The following TRRAP variants were observed in gnomAD, a reference collection of about 807,000 sequenced individuals.
TRRAP encodes transformation/transcription domain associated protein.
A neutral mutation model predicts 438.8 loss-of-function variants in TRRAP; 41 were observed. That is an observed-to-expected ratio of 0.09 (90% CI 0.07 to 0.12). TRRAP has a LOEUF of 0.12. Ranked by LOEUF, TRRAP falls within the 10% of genes least tolerant of loss-of-function variation. TRRAP has a pLI of 1.00. For synonymous variants in TRRAP, 1,994 were observed against 1,962.9 expected (o/e 1.02, Z -0.42); for missense variants, 3,122 against 5,055.1 (o/e 0.62, Z 11.60).
At chr7:99,001,130 G>C (rs996548574) in intron 67 of TRRAP, among the ~76,000 whole-genome samples, 3 of 152,254 alleles carry the variant, frequency 2.0e-5, no homozygotes, top group Admixed American at 1.3e-4. Context: ...CCATAGCTGT[G>C]ACCAGGGTTG....
In TRRAP at chr7:99,012,485, T is replaced by C. The variant is rs954194568; in HGVS notation, c.*130T>C. 11 of 1,148,802 alleles carry C rather than the reference T, an allele frequency of 9.6e-6. 1 individual carries two copies. The highest frequency in any genetic ancestry group is 2.4e-6 in the Non-Finnish European group (2 of 834,520). The allele number at this position is 1,148,802 out of a possible 1,614,324, so 71.2% of individuals were successfully genotyped here. On this transcript the variant is annotated 3_prime_UTR_variant, in exon 73 of 73. Coordinates refer to ENST00000456197, the MANE Select transcript of TRRAP (RefSeq NM_001375524.1). The surrounding 1 kb of genome is among the most constrained non-coding windows in gnomAD (Gnocchi z 5.9). ...ATAGTTTCACTGGGTTGCGGTTATT[T>C]TCCTGGTAGTTTGCGTGTAAGAAAG...
At chr7:98,891,281 A>G (rs1184134769) in intron 4 of TRRAP, among the ~76,000 whole-genome samples, 1 of 142,776 alleles carries the variant, frequency 7.0e-6, no homozygotes, top group African/African-American at 2.7e-5. Context: ...GCACGAACTC[A>G]GCTCACTGCA....
Position 98,910,142 on chromosome 7 carries a change from C to T in TRRAP, c.1437C>T (p.Ala479=), listed in dbSNP as rs781851904. 1.7e-5 allele frequency: 27 copies of T among 1,612,112 alleles called. No homozygotes were observed. The highest frequency in any genetic ancestry group is 1.1e-4 in the South Asian group (10 of 90,716). ...KKCKPQSELG[A]VEAALPGVPT... is the part of the protein sequence containing the mutation. Reference sequence around the variant, plus strand: ...GTAAGCCTCAGTCAGAACTTGGAGCCGTGGAAGCAGCTCTGCCTGGGGTGC... The same window carrying T: ...GTAAGCCTCAGTCAGAACTTGGAGCTGTGGAAGCAGCTCTGCCTGGGGTGC... The change falls in exon 15 of 73, where the codon GCC becomes GCT. Residue 479 remains alanine, a synonymous_variant. Coordinates refer to ENST00000456197, the MANE Select transcript of TRRAP (RefSeq NM_001375524.1).
rs539900785 is a variant in TRRAP at position 99,005,791 on chromosome 7, C to T, written c.10753+443C>T. On this transcript the variant is annotated intron_variant, in intron 69 of 72. Transcript: ENST00000456197. This position sits in a 1 kb window ranked among gnomAD's most constrained non-coding sequence, Gnocchi z 5.1. ...CAGGGAAGCCAAAAGATTGGACATC[C>T]CTGTTCTAAGGTCTTTTGCACTCTA... Among the ~76,000 whole-genome samples the T allele has an allele frequency of 2.7e-4, 41 of 152,054 alleles. No homozygotes were observed. The highest frequency in any genetic ancestry group is 3.4e-3 in the Middle Eastern group (1 of 294).
At chr7:98,937,034 C>T (rs113374056) in intron 28 of TRRAP, 122 bp from the exon 29 acceptor site, 15,646 of 1,263,622 alleles carry the variant, frequency 0.012, 129 homozygotes, top group Non-Finnish European at 0.015. Context: ...TAGAGATGAA[C>T]CTGGGCAACA....
Position 98,992,236 on chromosome 7 carries a change from C to T in TRRAP, c.9847+9C>T, listed in dbSNP as rs185314719. ...GGAACGCTACAAGAGCGGTACGTCT[C>T]GGGTGGGGCCGGTAGGCCAGGCCGG... On this transcript the variant is annotated intron_variant, in intron 65 of 72. Coordinates refer to ENST00000456197, the MANE Select transcript of TRRAP (RefSeq NM_001375524.1). 6.8e-6 allele frequency: 11 copies of T among 1,613,658 alleles called. No homozygotes were observed. In the Admixed American group the frequency reaches 8.3e-5, roughly 12 times the overall value.
Position 98,899,450 on chromosome 7 carries a change from C to T in TRRAP, c.662C>T (p.Ser221Phe). ...TCCATCATTCCGAGGGGATCACTTT[C>T]TCTGAAAGTGTTGGCAGAATTGCCC... ...THSIIPRGSL[S>F]LKVLAELPII... Residue 221 changes from serine (S) to phenylalanine (F), a missense_variant, in exon 9 of 73, where the codon TCT becomes TTT. Physicochemically the swap from Ser to Phe is radical, Grantham distance 155. Transcript: ENST00000456197. 1 of 1,614,184 alleles carries T rather than the reference C, an allele frequency of 6.2e-7. No individual in the cohort carries two copies.
At position 98,948,625 on chromosome 7, in the gene TRRAP, A is replaced by G. The variant is rs531306029; in HGVS notation, c.4728A>G (p.Thr1576=). Reference sequence around the variant, plus strand: ...TCCTGACTCGACATCCCTCGCAGACAGTGGAGCTGTTCATGATGGAAGCCA... The same window carrying G: ...TCCTGACTCGACATCCCTCGCAGACGGTGGAGCTGTTCATGATGGAAGCCA... ...IKFLTRHPSQ[T]VELFMMEATL... Residue 1576 remains threonine (T), a synonymous_variant, in exon 35 of 73, where the codon ACA becomes ACG. Transcript: ENST00000456197. The surrounding 1 kb of genome is among the most constrained non-coding windows in gnomAD (Gnocchi z 4.9). 11 of 1,614,222 alleles carry G rather than the reference A, an allele frequency of 6.8e-6. No homozygotes were observed. The African/African-American group carries it at 1.5e-4, about 22-fold the overall frequency.
chr7:98,955,279 T>C lies in TRRAP; in HGVS notation c.5912T>C (p.Leu1971Pro). Residue 1971 changes from leucine (L) to proline (P), a missense_variant, in exon 41 of 73, where the codon CTG becomes CCG. Leu to Pro is a moderately conservative substitution (Grantham distance 98). Coordinates refer to ENST00000456197, the MANE Select transcript of TRRAP (RefSeq NM_001375524.1). The part of the protein sequence containing the change: ...GHTVPQLVHI[L>P]HLIVQHFKVY... ...ACCGTCCCGCAGCTGGTCCACATTCTGCACCTGATAGTGCAACACTTCAAG... is the reference window on the plus strand; with the variant it reads ...ACCGTCCCGCAGCTGGTCCACATTCCGCACCTGATAGTGCAACACTTCAAG... 1 of 1,613,854 alleles carries C rather than the reference T, an allele frequency of 6.2e-7. No individual in the cohort carries two copies. Among genetic ancestry groups the C allele is most frequent in the Non-Finnish European group, 8.5e-7 (1 of 1,179,814 alleles).
rs561816611 is a variant in TRRAP at position 98,994,344 on chromosome 7, G to A, written c.10048-243G>A. 7.9e-5 allele frequency among the ~76,000 whole-genome samples: 12 copies of A among 152,308 alleles called. No homozygotes were observed. The highest frequency in any genetic ancestry group is 2.0e-4 in the Admixed American group (3 of 15,308). On this transcript the variant is annotated intron_variant, in intron 66 of 72. Coordinates refer to ENST00000456197, the MANE Select transcript of TRRAP (RefSeq NM_001375524.1). The surrounding 1 kb of genome is among the most constrained non-coding windows in gnomAD (Gnocchi z 4.8). ...TGATCCAAAAAAGTGGGGCTTTTCT[G>A]TTTTCGCTTTTTGAATGTTCAGGTC...
At chr7:98,925,356 C>G (rs1789999382) in intron 22 of TRRAP, 93 bp downstream of exon 22, 1 of 1,522,078 alleles carries the variant, frequency 6.6e-7, no homozygotes, top group Middle Eastern at 2.3e-4. Flanking sequence ...GTGCTAGGAG[C>G]AGGCTCCTTG....
chr7:98,942,960 C>T lies in TRRAP; in HGVS notation c.4416C>T (p.Arg1472=). The part of the protein sequence containing the change: ...KFCDQMMQHL[R]KWMEVVVITH... Reference sequence around the variant, plus strand: ...TGTTTTTCCAACAGCAACATCTGCGCAAGTGGATGGAAGTGGTGGTGATCA... The same window carrying T: ...TGTTTTTCCAACAGCAACATCTGCGTAAGTGGATGGAAGTGGTGGTGATCA... Residue 1472 remains arginine (R), a synonymous_variant, in exon 31 of 73, where the codon CGC becomes CGT. Coordinates refer to ENST00000456197, the MANE Select transcript of TRRAP (RefSeq NM_001375524.1). 6.2e-7 allele frequency: 1 copy of T among 1,614,122 alleles called. No homozygotes were observed. The highest frequency in any genetic ancestry group is 8.5e-7 in the Non-Finnish European group (1 of 1,180,030).
At position 98,910,217 on chromosome 7, in the gene TRRAP, T is replaced by TTCCCCCCCCCC; in HGVS notation, c.1512_1513insTCCCCCCCCCC (p.Ala505SerfsTer19). 9.6e-7 allele frequency: 1 copy of TTCCCCCCCCCC among 1,045,586 alleles called. No homozygotes were observed. The highest frequency in any genetic ancestry group is 1.2e-6 in the Non-Finnish European group (1 of 806,028). The allele number at this position is 1,045,586 out of a possible 1,614,324, so 64.8% of individuals were successfully genotyped here. A position where few individuals can be genotyped will look rare whatever the true frequency, so the allele number is the denominator to read the frequency against. ...CTGCTCCCTCCCCAGCCCCTGTCCC[T>TTCCCCCCCCCC]GCCCCACCTCCACCCCCGCCCCCAC... is the stretch of plus-strand genomic sequence containing the variant. On this transcript the variant is annotated frameshift_variant, in exon 15 of 73. Transcript: ENST00000456197. LOFTEE classifies it high-confidence loss of function.
intron 50 of TRRAP, 35 bp from the exon 51 acceptor site, chr7:98,967,450 C>T: frequency 2.5e-6 from 4 of 1,607,512 alleles, no homozygotes; most frequent in Non-Finnish European, 3.4e-6. Context: ...CTTGGGGAGT[C>T]CATCGTCTTG....
Position 98,949,579 on chromosome 7 carries a change from A to G in TRRAP, c.4951A>G (p.Lys1651Glu). ...MRLDLQFQAIKIISIIVKNDD... is the reference protein window; with the variant it reads ...MRLDLQFQAIEIISIIVKNDD... ...CCTGGACCTCCAGTTCCAGGCCATC[A>G]AGGTAGCGCCCCTTCCTCCAGCCCC... is the stretch of plus-strand genomic sequence containing the variant. The change falls in exon 36 of 73, where the codon AAG becomes GAG. Residue 1651 changes from lysine to glutamate, a missense_variant and splice_region_variant. Lys to Glu is a moderately conservative substitution (Grantham distance 56). Around this residue, in one of 24 missense-constraint regions of TRRAP, gnomAD observed 272 missense variants for 348.5 expected, o/e 0.78. Coordinates refer to ENST00000456197, the MANE Select transcript of TRRAP (RefSeq NM_001375524.1). The G allele has an allele frequency of 6.3e-6, 10 of 1,582,534 alleles. No individual in the cohort carries two copies. The highest frequency in any genetic ancestry group is 8.6e-6 in the Non-Finnish European group (10 of 1,164,516).
In TRRAP at chr7:98,918,910, G is replaced by A. The variant is rs1472815526; in HGVS notation, c.2622+1231G>A. On this transcript the variant is annotated intron_variant, in intron 20 of 72. Coordinates refer to ENST00000456197, the MANE Select transcript of TRRAP (RefSeq NM_001375524.1). Reference sequence around the variant, plus strand: ...GTCTCTACTAAAAATACAAAAATTAGCCAGGCATGGTAGCAAGCCCCCTGT... The same window carrying A: ...GTCTCTACTAAAAATACAAAAATTAACCAGGCATGGTAGCAAGCCCCCTGT... Among the ~76,000 whole-genome samples the A allele has an allele frequency of 3.3e-5, 5 of 151,042 alleles. 1 individual carries two copies. The East Asian group carries it at 5.9e-4, about 18-fold the overall frequency.
Position 98,881,210 on chromosome 7 carries a change from G to C in TRRAP, c.60G>C (p.Lys20Asn). 6.2e-7 allele frequency: 1 copy of C among 1,609,912 alleles called. No homozygotes were observed. The highest frequency in any genetic ancestry group is 8.5e-7 in the Non-Finnish European group (1 of 1,177,872). Residue 20 changes from lysine (K) to asparagine (N), a missense_variant, in exon 2 of 73, where the codon AAG (lysine) becomes AAC (asparagine). Transcript: ENST00000456197. ...TTGACCAGACCACTTTGATGAAAAA[G>C]TACCTTCAGTTTGTGGCAGCTCTCA... ...TVVDQTTLMK[K>N]YLQFVAALTD...
In TRRAP at chr7:98,926,829, A is replaced by G. The variant is rs529444687; in HGVS notation, c.2976-338A>G. On this transcript the variant is annotated intron_variant, in intron 22 of 72. Transcript: ENST00000456197. The stretch of plus-strand genomic sequence containing the variant: ...CAAGACCATCGAGACCAGCCTGGCC[A>G]ATATGGTGAAGTCCCATCTCTACTA... 4.4e-3 allele frequency among the ~76,000 whole-genome samples: 675 copies of G among 151,990 alleles called. 1 individual carries two copies. The highest frequency in any genetic ancestry group is 6.5e-3 in the Non-Finnish European group (441 of 67,960).
intron 21 of TRRAP, 85 bp from the exon 22 acceptor site, chr7:98,925,027 G>A: frequency 1.3e-6 from 2 of 1,498,856 alleles, no homozygotes; most frequent in Non-Finnish European, 1.8e-6. Context: ...AGATTCTTCT[G>A]GGTGCTGCAG....
Sources: allele counts gnomAD v4.1 joint callset (sites outside exome capture counted in the v4.1 genomes callset), GRCh38; gene constraint gnomAD v4.1.1; regional missense constraint gnomAD v4.1.1; non-coding constraint Gnocchi (gnomAD v3.1); transcripts MANE v1.5; gene names NCBI Gene and HGNC (gene_info 2026-07-23, HGNC 2026-07-21).